Variants in CNBD1 observed in about 807,000 individuals in gnomAD.
The protein encoded by CNBD1 is cyclic nucleotide binding domain containing 1.
CNBD1 carries 71 observed loss-of-function variants against 54.4 expected under a neutral mutation model. The ratio of observed to expected loss-of-function variants is 1.30; its 90% CI spans 1.08 to 1.59. CNBD1 has a LOEUF of 1.59. Among genes scored for constraint, CNBD1 ranks in the 40% most tolerant of loss-of-function variants. The pLI is 0.00. For missense variants in CNBD1, 659 were observed against 518.0 expected (o/e 1.27, Z -2.64); for synonymous variants, 182 against 170.7 (o/e 1.07, Z -0.51).
intron 1 of CNBD1, among the ~76,000 whole-genome samples, chr8:86,869,155 A>G (rs1445539267): frequency 6.6e-6 from 1 of 152,100 alleles, no homozygotes; most frequent in African/African-American, 2.4e-5. Flanking sequence ...CATTTCCAGA[A>G]CTGTTAGATA....
At chr8:86,940,131 A>ATTTTTT (rs1563830029) in intron 4 of CNBD1, among the ~76,000 whole-genome samples, 6 of 26,758 alleles carry the variant, frequency 2.2e-4, no homozygotes, top group East Asian at 2.6e-3. Flanking sequence ...ACCACATGTT[A>ATTTTTT]CTTTTTTTTT....
chr8:87,306,146 G>A (rs1414917536), intron 8 of CNBD1, among the ~76,000 whole-genome samples: 1 of 152,118 alleles, frequency 6.6e-6, no homozygotes, highest in Admixed American at 6.6e-5. Flanking sequence ...ACAAACATAT[G>A]AAAAGATGCT....
At chr8:87,412,327 A>G (rs567188913) in intron 2 of CNBD1, among the ~76,000 whole-genome samples, 1 of 152,230 alleles carries the variant, frequency 6.6e-6, no homozygotes, top group East Asian at 1.9e-4. Context: ...TCAAAGCAAA[A>G]TATAAAATTA....
intron 10 of CNBD1, among the ~76,000 whole-genome samples, chr8:87,362,894 G>A (rs137958848): frequency 2.0e-5 from 3 of 151,960 alleles, no homozygotes; most frequent in South Asian, 4.1e-4. Flanking sequence ...TGTACTTTAA[G>A]TTAAGAACGT....
intron 4 of CNBD1, among the ~76,000 whole-genome samples, chr8:87,192,764 T>A (rs1290566161): frequency 1.3e-5 from 2 of 152,128 alleles, no homozygotes; most frequent in Non-Finnish European, 2.9e-5. Flanking sequence ...TAAGAAGAAG[T>A]CTAGTGTGGC....
At chr8:87,311,228 A>T (rs62528141) in intron 8 of CNBD1, among the ~76,000 whole-genome samples, 6,649 of 152,214 alleles carry the variant, frequency 0.044, 190 homozygotes, top group Non-Finnish European at 0.06. Flanking sequence ...TCTAGAATCT[A>T]TAAGAAACTT....
intron 4 of CNBD1, among the ~76,000 whole-genome samples, chr8:87,071,753 G>A (rs1421070018): frequency 2.0e-5 from 3 of 152,154 alleles, no homozygotes; most frequent in Non-Finnish European, 4.4e-5. Flanking sequence ...TTTAGAGTAA[G>A]TGTCATGTGG....
Position 87,178,562 on chromosome 8 carries a change from C to A in CNBD1, c.432-27431C>A, listed in dbSNP as rs139710018. Among the ~76,000 whole-genome samples, 169 of 152,260 alleles carry A rather than the reference C, an allele frequency of 1.1e-3. 2 individuals carry two copies. Among genetic ancestry groups the A allele is most frequent in the African/African-American group, 3.4e-3 (142 of 41,562 alleles). On this transcript the variant is annotated intron_variant, in intron 4 of 10. Coordinates refer to ENST00000518476, the MANE Select transcript of CNBD1 (RefSeq NM_173538.3). ...AGAGATAGTTTGGCCCATTGTAAAACCTCAGCCATTTTTACTTGGAGTCTG... is the reference window on the plus strand; with the variant it reads ...AGAGATAGTTTGGCCCATTGTAAAAACTCAGCCATTTTTACTTGGAGTCTG...
At chr8:86,890,209 T>C (rs1043853270) in intron 2 of CNBD1, among the ~76,000 whole-genome samples, 6 of 152,118 alleles carry the variant, frequency 3.9e-5, no homozygotes, top group African/African-American at 1.4e-4. Context: ...TCCTGTTTAA[T>C]TGAATCTTTA....
intron 8 of CNBD1, 100 bp downstream of exon 8, chr8:87,286,771 A>G: frequency 1.3e-6 from 1 of 790,418 alleles, no homozygotes; most frequent in Non-Finnish European, 2.0e-6. Context: ...ATTTCTTCAT[A>G]TAAATATTCT....
intron 4 of CNBD1, among the ~76,000 whole-genome samples, chr8:87,153,826 G>C (rs775145196): frequency 2.0e-5 from 3 of 152,138 alleles, no homozygotes; most frequent in Non-Finnish European, 2.9e-5. Context: ...AGCTGTACAA[G>C]AACATCTCAT....
intron 2 of CNBD1, among the ~76,000 whole-genome samples, chr8:87,419,215 T>A (rs1807885131): frequency 6.6e-6 from 1 of 151,952 alleles, no homozygotes; most frequent in Non-Finnish European, 1.5e-5. Flanking sequence ...CGACTGCATT[T>A]GTGTAACATG....
At chr8:87,119,833 G>T (rs1683023213) in intron 4 of CNBD1, among the ~76,000 whole-genome samples, 1 of 151,994 alleles carries the variant, frequency 6.6e-6, no homozygotes, top group Admixed American at 6.6e-5. Flanking sequence ...TATCTATTGA[G>T]ATCATCATAT....
At chr8:87,004,487 A>T (rs1327472732) in intron 4 of CNBD1, among the ~76,000 whole-genome samples, 1 of 139,142 alleles carries the variant, frequency 7.2e-6, no homozygotes. Context: ...TCATTATTGC[A>T]CTCACACCCT....
intron 6 of CNBD1, among the ~76,000 whole-genome samples, chr8:87,262,839 GAC>G (rs1490282434): frequency 1.3e-5 from 2 of 152,120 alleles, no homozygotes; most frequent in Admixed American, 6.6e-5. Context: ...CACTTTTATA[GAC>G]AGTTTTAACA....
intron 4 of CNBD1, among the ~76,000 whole-genome samples, chr8:87,048,743 A>C (rs769007702): frequency 6.6e-6 from 1 of 152,220 alleles, no homozygotes; most frequent in Non-Finnish European, 1.5e-5. Context: ...CTTTTGGCAC[A>C]TGGGTGAAGT....
At chr8:87,098,748 A>T (rs1811366418) in intron 4 of CNBD1, among the ~76,000 whole-genome samples, 2 of 139,968 alleles carry the variant, frequency 1.4e-5, no homozygotes, top group African/African-American at 5.4e-5. Context: ...AAAAAAAAAA[A>T]ACTCCTGGGC....
At chr8:87,384,500 A>C (rs1811146073), downstream of CNBD1, among the ~76,000 whole-genome samples, 1 of 152,102 alleles carries the variant, frequency 6.6e-6, no homozygotes, top group Non-Finnish European at 1.5e-5. Flanking sequence ...AAATGAGGGG[A>C]TCAAGGCGGA....
chr8:87,133,481 C>A (rs1812162730), intron 4 of CNBD1, among the ~76,000 whole-genome samples: 1 of 152,114 alleles, frequency 6.6e-6, no homozygotes, highest in Admixed American at 6.5e-5. Context: ...TGAGCTGCTA[C>A]AATAAATTAC....
Sources: allele counts gnomAD v4.1 joint callset (sites outside exome capture counted in the v4.1 genomes callset), GRCh38; gene constraint gnomAD v4.1.1; transcripts MANE v1.5; gene names NCBI Gene and HGNC (gene_info 2026-07-23, HGNC 2026-07-21).